Variants in LRP2 observed in about 807,000 individuals in gnomAD.
The protein encoded by LRP2 is LDL receptor related protein 2.
Under a neutral mutation model 531.0 loss-of-function variants are expected in LRP2, and 172 were observed. The ratio of observed to expected loss-of-function variants is 0.32; its 90% CI spans 0.29 to 0.37. LRP2 has a LOEUF of 0.37. LRP2 is among the 10% of genes least tolerant of loss of function. The probability of loss-of-function intolerance (pLI) is 1.00; values close to 1 mark genes in which losing one functional copy is unlikely to be tolerated. For missense variants in LRP2, 5,167 were observed against 5,868.3 expected (o/e 0.88, Z 3.90); for synonymous variants, 1,992 against 2,027.6 (o/e 0.98, Z 0.47).
intron 16 of LRP2, 131 bp downstream of exon 16, chr2:169,270,773 A>AATAAATAC (rs892183729): frequency 6.4e-5 from 23 of 361,530 alleles, no homozygotes; most frequent in Non-Finnish European, 9.7e-5. Flanking sequence ...TAAATAAATA[A>AATAAATAC]ATAAATAAAT....
At chr2:169,164,237 G>A (rs1233201921) in intron 62 of LRP2, among the ~76,000 whole-genome samples, 1 of 152,232 alleles carries the variant, frequency 6.6e-6, no homozygotes, top group East Asian at 1.9e-4. Flanking sequence ...ATCAGGCACA[G>A]AAGGCACTGA....
intron 63 of LRP2, among the ~76,000 whole-genome samples, chr2:169,158,278 T>A (rs1294422048): frequency 6.6e-6 from 1 of 152,088 alleles, no homozygotes; most frequent in Non-Finnish European, 1.5e-5. Context: ...TCCATGTTAA[T>A]GAATTTTCCC....
At chr2:169,307,894 A>G (rs1037996678) in intron 3 of LRP2, among the ~76,000 whole-genome samples, 1 of 152,196 alleles carries the variant, frequency 6.6e-6, no homozygotes, top group Non-Finnish European at 1.5e-5. Context: ...TTATAAAGAG[A>G]AAAAAATTTA....
chr2:169,271,124 A>G lies in LRP2; in HGVS notation c.2117-17T>C, dbSNP rs759311310. The G allele has an allele frequency of 6.3e-7, 1 of 1,585,290 alleles. No individual in the cohort carries two copies. Among genetic ancestry groups the G allele is most frequent in the South Asian group, 1.1e-5 (1 of 90,138 alleles). On this transcript the variant is annotated splice_polypyrimidine_tract_variant and intron_variant, in intron 15 of 78. Coordinates refer to ENST00000649046, the MANE Select transcript of LRP2 (RefSeq NM_004525.3). ...TCTGAACAGCTGTAGGAAGAATAACACAGCACAGTCAGTCACAGCATGGTT... is the reference window on the plus strand; with the variant it reads ...TCTGAACAGCTGTAGGAAGAATAACGCAGCACAGTCAGTCACAGCATGGTT...
intron 16 of LRP2, among the ~76,000 whole-genome samples, chr2:169,270,482 C>A (rs1683376987): frequency 6.6e-6 from 1 of 151,798 alleles, no homozygotes; most frequent in Non-Finnish European, 1.5e-5. Flanking sequence ...TGGAAATCAT[C>A]ATTCTCAGCA....
Position 169,244,813 on chromosome 2 carries a change from G to A in LRP2, c.3310C>T (p.His1104Tyr). 1 of 1,614,266 alleles carries A rather than the reference G, an allele frequency of 6.2e-7. No homozygotes were observed. The highest frequency in any genetic ancestry group is 8.5e-7 in the Non-Finnish European group (1 of 1,180,048). The stretch of plus-strand genomic sequence containing the variant: ...GTGTCAAGGCAGGAAGCAGGTGCGT[G>A]GGTGGGGCAGTTGTGCTCATCACTG... ...DGSDEHNCPT[H>Y]APASCLDTQY... The change falls in exon 22 of 79, where the codon CAC becomes TAC. Residue 1104 changes from histidine (H) to tyrosine (Y), a missense_variant. Physicochemically the swap from His to Tyr is moderately conservative, Grantham distance 83. Around this residue, in one of 6 missense-constraint regions of LRP2, gnomAD observed 2,811 missense variants for 3,058.0 expected, o/e 0.92. Coordinates refer to ENST00000649046, the MANE Select transcript of LRP2 (RefSeq NM_004525.3).
chr2:169,169,761 C>T lies in LRP2; in HGVS notation c.11438G>A (p.Ser3813Asn), dbSNP rs771535558. 1 of 1,614,164 alleles carries T rather than the reference C, an allele frequency of 6.2e-7. No homozygotes were observed. The highest frequency in any genetic ancestry group is 8.5e-7 in the Non-Finnish European group (1 of 1,179,980). Reference protein sequence around the residue: ...FQCTSGHCVHSELKCDGSADC... With the variant: ...FQCTSGHCVHNELKCDGSADC... ...AGCGGATCCATCGCATTTCAGTTCA[C>T]TGTGTACACAATGTCCACTTGTACA... The change falls in exon 60 of 79, where the codon AGT (serine) becomes AAT (asparagine). Residue 3813 changes from serine to asparagine, a missense_variant. Ser to Asn is a conservative substitution (Grantham distance 46, BLOSUM62 1). Around this residue, in one of 6 missense-constraint regions of LRP2, gnomAD observed 564 missense variants for 747.7 expected, o/e 0.75. Transcript: ENST00000649046.
rs76757016 is a variant in LRP2, at chr2:169,133,428, G to A, written c.13621-747C>T. The stretch of plus-strand genomic sequence containing the variant: ...AAGTGAAGATGTCAAATGAAATGTC[G>A]TATCTCTTTTATCATGTGATTAAAG... On this transcript the variant is annotated intron_variant, in intron 76 of 78. Coordinates refer to ENST00000649046, the MANE Select transcript of LRP2 (RefSeq NM_004525.3). Among the ~76,000 whole-genome samples, 225 of 152,254 alleles carry A rather than the reference G, an allele frequency of 1.5e-3. 2 individuals are homozygous for A. The highest frequency in any genetic ancestry group is 4.8e-3 in the African/African-American group (200 of 41,530).
At chr2:169,299,173 A>AAGAAAGAG (rs1559064127) in intron 4 of LRP2, among the ~76,000 whole-genome samples, 1 of 8,978 alleles carries the variant, frequency 1.1e-4, no homozygotes, top group African/African-American at 1.9e-4. Flanking sequence ...GAAAGAAAGA[A>AAGAAAGAG]AAAGAAAGAA....
Position 169,173,991 on chromosome 2 carries a change from T to C in LRP2, c.10942A>G (p.Ile3648Val), listed in dbSNP as rs1347839947. 2 of 1,614,230 alleles carry C rather than the reference T, an allele frequency of 1.2e-6. No individual in the cohort carries two copies. The highest frequency in any genetic ancestry group is 1.7e-6 in the Non-Finnish European group (2 of 1,180,044). The change falls in exon 56 of 79, where the codon ATC becomes GTC. Residue 3648 changes from isoleucine (I) to valine (V), a missense_variant. By Grantham distance (29) the Ile-to-Val change is conservative. This residue lies in a region of LRP2 where 311 missense variants were observed against 309.4 expected (regional missense o/e 1.01). Coordinates refer to ENST00000649046, the MANE Select transcript of LRP2 (RefSeq NM_004525.3). ...ACATCACACTTCCAGGCCTGCGGGA[T>C]GCAGCGGCCATTAGCACACCGAAAC... ...GQFRCANGRC[I>V]PQAWKCDVDN...
At position 169,282,916 on chromosome 2, in the gene LRP2, C is replaced by G. The variant is rs748204076; in HGVS notation, c.1128G>C (p.Gly376=). The G allele has an allele frequency of 8.1e-6, 13 of 1,613,968 alleles. No individual in the cohort carries two copies. The South Asian group carries it at 1.4e-4, about 18-fold the overall frequency. Reference sequence around the variant, plus strand: ...AATACTGTCCACGCTCCAAGATATACCCTTCTTCACAGTGGCACAGGTGAC... The same window carrying G: ...AATACTGTCCACGCTCCAAGATATAGCCTTCTTCACAGTGGCACAGGTGAC... ...PGRHLCHCEE[G]YILERGQYCK... Residue 376 remains glycine (G), a synonymous_variant, in exon 10 of 79, where the codon GGG becomes GGC. Coordinates refer to ENST00000649046, the MANE Select transcript of LRP2 (RefSeq NM_004525.3).
At chr2:169,240,333 A>G (rs186172158) in intron 25 of LRP2, among the ~76,000 whole-genome samples, 65 of 152,350 alleles carry the variant, frequency 4.3e-4, no homozygotes, top group Non-Finnish European at 8.5e-4. Flanking sequence ...GACAGTTCAC[A>G]TGCCTGGGGA....
At chr2:169,226,658 C>T in intron 31 of LRP2, 70 bp from the exon 32 acceptor site, 3 of 1,161,032 alleles carry the variant, frequency 2.6e-6, no homozygotes, top group Non-Finnish European at 3.9e-6. Context: ...TAATGGAAGG[C>T]AATAGCCTGT....
chr2:169,326,670 G>C (rs1197739134), intron 1 of LRP2, among the ~76,000 whole-genome samples: 5 of 152,014 alleles, frequency 3.3e-5, no homozygotes, highest in Non-Finnish European at 5.9e-5. Flanking sequence ...TCTCTGCCTG[G>C]CCGCCCATCG....
In LRP2 at chr2:169,140,626, G is replaced by T. The variant is rs73032934; in HGVS notation, c.13109-81C>A. ...ACACCATGCAAACCGGCCCAGGTTAGGGGTGGGAGGAGGGGCAGGCCAGCC... is the reference window on the plus strand; with the variant it reads ...ACACCATGCAAACCGGCCCAGGTTATGGGTGGGAGGAGGGGCAGGCCAGCC... On this transcript the variant is annotated intron_variant, in intron 71 of 78. Transcript: ENST00000649046. The T allele has an allele frequency of 3.5e-3, 3,775 of 1,069,630 alleles. 94 individuals are homozygous for T. The African/African-American group carries it at 0.05, about 14-fold the overall frequency. 66.3% of individuals were successfully genotyped at this position (1,069,630 alleles called of 1,614,324 possible).
chr2:169,299,148 AAAGAAAG>A (rs1684220617), intron 4 of LRP2, among the ~76,000 whole-genome samples: 1 of 13,514 alleles, frequency 7.4e-5, no homozygotes, highest in African/African-American at 1.3e-4. Context: ...AGAAAGAAAG[AAAGAAAG>A]AAAAAAAGAA....
Position 169,156,323 on chromosome 2 carries a change from A to G in LRP2, c.12102T>C (p.Asp4034=), listed in dbSNP as rs1390624259. The change falls in exon 65 of 79, where the codon GAT becomes GAC. Residue 4034 remains aspartate, a synonymous_variant. Transcript: ENST00000649046. The stretch of plus-strand genomic sequence containing the variant: ...GGCGGTCACTCATAGACGTGAAGCC[A>G]TCAGCACAGACACACTCATAACTTC... The part of the protein sequence containing the change: ...TKGSYECVCA[D]GFTSMSDRPG... The G allele has an allele frequency of 6.2e-7, 1 of 1,613,792 alleles. No individual in the cohort carries two copies. The highest frequency in any genetic ancestry group is 1.7e-5 in the Admixed American group (1 of 59,986).
chr2:169,132,156 C>G (rs920625813), intron 77 of LRP2, among the ~76,000 whole-genome samples: 1 of 152,014 alleles, frequency 6.6e-6, no homozygotes, highest in Admixed American at 6.6e-5. Context: ...AGCAGGAGAG[C>G]GAAGAACAGC....
intron 9 of LRP2, among the ~76,000 whole-genome samples, chr2:169,285,619 C>A (rs9653235): frequency 0.057 from 8,741 of 152,060 alleles, 889 homozygotes; most frequent in African/African-American, 0.2. Context: ...TTTAACTGAG[C>A]CCCCCTTGGC....
Sources: gnomAD v4.1 joint callset for allele counts (sites outside exome capture counted in the v4.1 genomes callset) on GRCh38, gnomAD v4.1.1 for gene constraint, gnomAD v4.1.1 regional missense constraint, MANE v1.5 for transcripts, NCBI Gene and HGNC (gene_info 2026-07-23, HGNC 2026-07-21) for gene names.